Variants in MEG3 observed in about 807,000 individuals in gnomAD.
The protein encoded by MEG3 is maternally expressed 3, also known as Very putative protein from MEG3 locus.
chr14:100,844,018 G>C (rs1037664764), intron 2 of MEG3, among the ~76,000 whole-genome samples: 1 of 151,924 alleles, frequency 6.6e-6, no homozygotes, highest in Non-Finnish European at 1.5e-5. Flanking sequence ...TTTTAGTAGA[G>C]ACGGGGTTTC....
intron 1 of MEG3, chr14:100,835,947 G>A (rs973265815): frequency 2.8e-5 from 9 of 325,668 alleles, no homozygotes; most frequent in South Asian, 2.0e-4. Context: ...TGCCCCGCCC[G>A]GTCCCTTGCT....
chr14:100,855,256 C>G (rs1004602484), upstream of MEG3: 1 of 152,550 alleles, frequency 6.6e-6, no homozygotes, highest in Admixed American at 6.5e-5. Context: ...ATCTTGACCC[C>G]GTGCTTTTGG....
intron 2 of MEG3, among the ~76,000 whole-genome samples, chr14:100,840,214 G>C (rs1007414621): frequency 6.6e-6 from 1 of 152,218 alleles, no homozygotes; most frequent in Non-Finnish European, 1.5e-5. Context: ...AATAAATCCA[G>C]ATGGAGAGTT....
chr14:100,844,157 C>T (rs1026392418), intron 2 of MEG3, among the ~76,000 whole-genome samples: 1 of 152,124 alleles, frequency 6.6e-6, no homozygotes, highest in Non-Finnish European at 1.5e-5. Context: ...GTGGCTTCTG[C>T]CTGCCCTGGT....
intron 1 of MEG3, chr14:100,826,265 G>A (rs1035449407): frequency 9.9e-5 from 15 of 152,256 alleles, no homozygotes; most frequent in African/African-American, 3.1e-4. Context: ...AAAGGAAGAC[G>A]GCATCCGCTT....
At chr14:100,832,230 T>G (rs1189889255), downstream of MEG3, 4 of 152,168 alleles carry the variant, frequency 2.6e-5, no homozygotes, top group Admixed American at 2.6e-4. Context: ...GAAGAAGGTT[T>G]TAAATTGATT....
At chr14:100,828,402 TC>T (rs1227894615) in intron 1 of MEG3, among the ~76,000 whole-genome samples, 1 of 128,412 alleles carries the variant, frequency 7.8e-6, no homozygotes, top group African/African-American at 3.0e-5. Context: ...TCGTCCCTCC[TC>T]CCCCTCCTAT....
At chr14:100,832,973 G>A (rs1243134478), downstream of MEG3, 1 of 152,250 alleles carries the variant, frequency 6.6e-6, no homozygotes, top group Non-Finnish European at 1.5e-5. Context: ...AGGACCCATT[G>A]AGGACATCCA....
At chr14:100,836,441 G>A (rs2037583336) in intron 2 of MEG3, 1 of 414,158 alleles carries the variant, frequency 2.4e-6, no homozygotes, top group Non-Finnish European at 4.7e-6. Flanking sequence ...CAGCCCCAGG[G>A]GTCTGGGGGC....
At chr14:100,830,129 C>T (rs974108676), downstream of MEG3, 2 of 152,048 alleles carry the variant, frequency 1.3e-5, no homozygotes, top group Non-Finnish European at 2.9e-5. Context: ...CCCTCTGGCC[C>T]AGAGTTATAC....
rs987470255 is a variant in MEG3, at chr14:100,845,635, C to T, written n.3121+102C>T. Reference sequence around the variant, plus strand: ...CAGGCGGACCTCGTGGAGGGGCTGGCGGGCACTGGCCGGGGGTCTGTGCAC... The same window carrying T: ...CAGGCGGACCTCGTGGAGGGGCTGGTGGGCACTGGCCGGGGGTCTGTGCAC... On this transcript the variant is annotated intron_variant and non_coding_transcript_variant, in intron 3 of 3. Transcript: ENST00000398461. The surrounding 1 kb of genome is among the most constrained non-coding windows in gnomAD (Gnocchi z 5.2). 1.0e-5 allele frequency: 4 copies of T among 393,570 alleles called. No individual in the cohort carries two copies. The highest frequency in any genetic ancestry group is 4.1e-5 in the African/African-American group (2 of 48,448). 24.4% of individuals were successfully genotyped at this position (393,570 alleles called of 1,614,324 possible). A position where few individuals can be genotyped will look rare whatever the true frequency, so the allele number is the denominator to read the frequency against.
chr14:100,857,457 T>G (rs919794962), exon 1 of MEG3: 1 of 152,216 alleles, frequency 6.6e-6, no homozygotes, highest in Admixed American at 6.5e-5. Flanking sequence ...GGATTTGTCT[T>G]GAAAGCATGA....
At chr14:100,846,664 A>G (rs1191868667) in intron 3 of MEG3, 2 of 152,250 alleles carry the variant, frequency 1.3e-5, no homozygotes, top group African/African-American at 4.8e-5. Flanking sequence ...AAATAGGTAA[A>G]GAAGTAAGCA....
At chr14:100,860,617 G>T (rs895667571) in intron 1 of MEG3, 2 of 456,144 alleles carry the variant, frequency 4.4e-6, no homozygotes, top group African/African-American at 4.0e-5. Flanking sequence ...GGGCCTGCCT[G>T]TCTGTCTGTG....
intron 2 of MEG3, among the ~76,000 whole-genome samples, chr14:100,841,558 C>T (rs962605319): frequency 3.3e-5 from 5 of 152,180 alleles, no homozygotes; most frequent in African/African-American, 4.8e-5. Context: ...GAGCCTTGCC[C>T]GAGGTTGCAC....
intron 1 of MEG3, among the ~76,000 whole-genome samples, chr14:100,828,338 C>T (rs2037306017): frequency 6.6e-6 from 1 of 151,862 alleles, no homozygotes; most frequent in South Asian, 2.1e-4. Flanking sequence ...TACCCCCTCC[C>T]ACTCCTCTCC....
exon 1 of MEG3, chr14:100,834,567 G>C (rs2037498588): frequency 2.5e-6 from 1 of 398,466 alleles, no homozygotes; most frequent in Admixed American, 2.7e-5. Context: ...TGCTTTTTCT[G>C]CTTCTGTTGC....
intron 2 of MEG3, among the ~76,000 whole-genome samples, chr14:100,840,192 T>C (rs547499095): frequency 1.3e-5 from 2 of 152,306 alleles, no homozygotes; most frequent in East Asian, 3.9e-4. Flanking sequence ...CTCCAATTTC[T>C]TTGAGCTTAA....
chr14:100,854,026 T>C (rs935009537), upstream of MEG3: 2 of 152,198 alleles, frequency 1.3e-5, no homozygotes, highest in Non-Finnish European at 2.9e-5. Flanking sequence ...GGTGGAAGGA[T>C]AGGCGGAAGG....
Sources: allele counts gnomAD v4.1 joint callset (sites outside exome capture counted in the v4.1 genomes callset), GRCh38; gene constraint gnomAD v4.1.1; non-coding constraint Gnocchi (gnomAD v3.1); transcripts MANE v1.5; gene names NCBI Gene and HGNC (gene_info 2026-07-23, HGNC 2026-07-21).